PSD3: variants seen among roughly 807,000 people sequenced by gnomAD.
PSD3 encodes the protein PH and SEC7 domain-containing protein 3.
PSD3 carries 49 observed loss-of-function variants against 105.5 expected under a neutral mutation model. The observed-to-expected ratio is 0.46, with a 90% CI of 0.37 to 0.59. PSD3 has a LOEUF of 0.59. Ranked by LOEUF, PSD3 falls within the 20% of genes least tolerant of loss-of-function variation. The pLI is 0.00. For synonymous variants in PSD3, 557 were observed against 457.8 expected (o/e 1.22, Z -2.77); for missense variants, 1,561 against 1,263.8 (o/e 1.24, Z -3.57).
intron 9 of PSD3, among the ~76,000 whole-genome samples, chr8:18,764,858 G>A (rs1268834055): frequency 2.6e-5 from 4 of 152,040 alleles, no homozygotes; most frequent in African/African-American, 9.7e-5. Context: ...TCAATCAAAT[G>A]CCCATCTCAT....
chr8:18,587,813 G>A (rs1803301577), intron 12 of PSD3, among the ~76,000 whole-genome samples: 1 of 152,144 alleles, frequency 6.6e-6, no homozygotes, highest in African/African-American at 2.4e-5. Context: ...TTAGAATTTT[G>A]CACAGTACCT....
At chr8:18,987,297 TA>T (rs1222063394) in intron 1 of PSD3, among the ~76,000 whole-genome samples, 1 of 149,938 alleles carries the variant, frequency 6.7e-6, no homozygotes, top group African/African-American at 2.4e-5. Flanking sequence ...TTTTTATATA[TA>T]TTTTTTTAAG....
intron 11 of PSD3, among the ~76,000 whole-genome samples, chr8:18,620,615 A>G (rs12156122): frequency 0.3 from 46,039 of 151,962 alleles, 7,584 homozygotes; most frequent in African/African-American, 0.43. Context: ...AGGCTGAGGT[A>G]GGGGGGACTG....
intron 8 of PSD3, among the ~76,000 whole-genome samples, chr8:18,767,742 C>A (rs189982066): frequency 6.6e-6 from 1 of 151,240 alleles, no homozygotes; most frequent in Non-Finnish European, 1.5e-5. Context: ...AGCAAGACTC[C>A]GTCTCAAAAC....
rs113073925 is a variant in PSD3, at chr8:18,654,383, G to C, written c.2216+1259C>G. On this transcript the variant is annotated intron_variant, in intron 10 of 15. Coordinates refer to ENST00000327040, the MANE Select transcript of PSD3 (RefSeq NM_015310.4). ...ACCCGAGTTCATTGTAGAATGCTCT[G>C]TTAGGTCACGTGGTAAAACAATACT... 9.4e-3 allele frequency among the ~76,000 whole-genome samples: 1,430 copies of C among 152,242 alleles called. 19 individuals carry two copies. Among genetic ancestry groups the C allele is most frequent in the African/African-American group, 0.032 (1,311 of 41,542 alleles).
Position 18,876,269 on chromosome 8 carries a change from C to A in PSD3, c.131-3536G>T, listed in dbSNP as rs568053218. Among the ~76,000 whole-genome samples the A allele has an allele frequency of 6.0e-4, 91 of 152,244 alleles. 1 individual carries two copies. In the South Asian group the frequency reaches 0.018, roughly 31 times the overall value. ...TATTGCCAAATAATGTTTCATCATA[C>A]GGGAGCAGTCTTTTCTTTGGCCATT... is the stretch of plus-strand genomic sequence containing the variant. On this transcript the variant is annotated intron_variant, in intron 2 of 15. Coordinates refer to ENST00000327040, the MANE Select transcript of PSD3 (RefSeq NM_015310.4).
intron 9 of PSD3, among the ~76,000 whole-genome samples, chr8:18,661,197 A>T (rs756536963): frequency 8.5e-5 from 13 of 152,148 alleles, no homozygotes; most frequent in Non-Finnish European, 1.9e-4. Context: ...TGGTTCCTGA[A>T]TCATTATGAA....
intron 4 of PSD3, among the ~76,000 whole-genome samples, chr8:18,866,893 TAC>T (rs34045400): frequency 0.074 from 10,797 of 146,356 alleles, 1,120 homozygotes; most frequent in African/African-American, 0.23. Context: ...CATACATACA[TAC>T]ACACACACAC....
intron 1 of PSD3, among the ~76,000 whole-genome samples, chr8:18,962,689 G>A (rs1025983256): frequency 1.3e-5 from 2 of 152,160 alleles, no homozygotes; most frequent in African/African-American, 4.8e-5. Context: ...AATTAACTCT[G>A]CCTAGAGAGC....
intron 10 of PSD3, among the ~76,000 whole-genome samples, chr8:18,640,634 G>A (rs949801748): frequency 1.3e-5 from 2 of 152,158 alleles, no homozygotes; most frequent in Non-Finnish European, 1.5e-5. Context: ...CACCTCTGCG[G>A]AACTGTGAGT....
At chr8:18,793,153 C>T (rs1417778333) in intron 8 of PSD3, among the ~76,000 whole-genome samples, 5 of 151,982 alleles carry the variant, frequency 3.3e-5, no homozygotes, top group African/African-American at 4.8e-5. Context: ...GGGTGGGGAA[C>T]ATTGCACACC....
At position 18,548,336 on chromosome 8, in the gene PSD3, G is replaced by C. The variant is rs557710759; in HGVS notation, c.2928+7873C>G. Among the ~76,000 whole-genome samples the C allele has an allele frequency of 2.9e-4, 44 of 152,098 alleles. No individual in the cohort carries two copies. In the South Asian group the frequency reaches 8.9e-3, roughly 31 times the overall value. ...ATAGATGTCCATTTCTTTGAAATTG[G>C]TTACTAGAATATTATTATTATTATT... On this transcript the variant is annotated intron_variant, in intron 15 of 15. Transcript: ENST00000327040.
intron 4 of PSD3, among the ~76,000 whole-genome samples, chr8:18,808,079 A>T (rs1329814687): frequency 6.6e-6 from 1 of 152,236 alleles, no homozygotes; most frequent in African/African-American, 2.4e-5. Context: ...TCTTTTAGGC[A>T]ATTCATGGTT....
rs144255467 is a variant in PSD3 at position 18,709,404 on chromosome 8, T to A, written c.2173-53719A>T. Among the ~76,000 whole-genome samples, 5 of 152,306 alleles carry A rather than the reference T, an allele frequency of 3.3e-5. No homozygotes were observed. In the East Asian group the frequency reaches 7.7e-4, roughly 24 times the overall value. ...ACTGTCTCTGGTTCAGCAGATTTAA[T>A]CTCTCCCGCCTGCTGGCTCTGAGGA... is the stretch of plus-strand genomic sequence containing the variant. On this transcript the variant is annotated intron_variant, in intron 9 of 15. Coordinates refer to ENST00000327040, the MANE Select transcript of PSD3 (RefSeq NM_015310.4).
chr8:18,654,032 G>GAA (rs1273596451), intron 10 of PSD3, among the ~76,000 whole-genome samples: 2 of 152,138 alleles, frequency 1.3e-5, no homozygotes, highest in Non-Finnish European at 1.5e-5. Context: ...AAAGAAGAAT[G>GAA]ATCACCTTTG....
At chr8:18,677,900 C>CT (rs1437313796) in intron 9 of PSD3, among the ~76,000 whole-genome samples, 1 of 151,830 alleles carries the variant, frequency 6.6e-6, no homozygotes, top group Non-Finnish European at 1.5e-5. Flanking sequence ...GTCCCAGCTA[C>CT]TCGGGAGGCT....
chr8:18,823,392 A>T (rs1812904371), intron 4 of PSD3, among the ~76,000 whole-genome samples: 1 of 152,166 alleles, frequency 6.6e-6, no homozygotes, highest in South Asian at 2.1e-4. Flanking sequence ...TCTTTACCCT[A>T]GCCACTCAAA....
At chr8:18,936,519 T>C (rs945443388) in intron 1 of PSD3, among the ~76,000 whole-genome samples, 2 of 152,180 alleles carry the variant, frequency 1.3e-5, no homozygotes, top group Non-Finnish European at 1.5e-5. Flanking sequence ...ATCTCAGCAC[T>C]TTGGGAGGCC....
chr8:18,836,993 T>C (rs1407614312), intron 4 of PSD3, among the ~76,000 whole-genome samples: 2 of 151,426 alleles, frequency 1.3e-5, no homozygotes, highest in Non-Finnish European at 2.9e-5. Context: ...CTTGCTCAAA[T>C]CAAGTTTTGT....
Sources: gnomAD v4.1 joint callset for allele counts (sites outside exome capture counted in the v4.1 genomes callset) on GRCh38, gnomAD v4.1.1 for gene constraint, MANE v1.5 for transcripts, NCBI Gene and HGNC (gene_info 2026-07-23, HGNC 2026-07-21) for gene names.